Variants in HS6ST3 observed in about 807,000 individuals in gnomAD.
HS6ST3 encodes heparan sulfate 6-O-sulfotransferase 3.
A neutral mutation model predicts 36.7 loss-of-function variants in HS6ST3; 12 were observed. The observed-to-expected ratio is 0.33, with a 90% CI of 0.21 to 0.53. HS6ST3 has a LOEUF of 0.53. Among genes scored for constraint, HS6ST3 ranks in the 20% least tolerant of loss-of-function variants. HS6ST3 has a pLI of 0.95. For synonymous variants in HS6ST3, 240 were observed against 257.5 expected (o/e 0.93, Z 0.65); for missense variants, 584 against 640.9 (o/e 0.91, Z 0.96).
intron 1 of HS6ST3, among the ~76,000 whole-genome samples, chr13:96,580,349 A>C (rs1352998748): frequency 6.6e-6 from 1 of 151,486 alleles, no homozygotes; most frequent in Non-Finnish European, 1.5e-5. Flanking sequence ...TCTGTAATGG[A>C]AGCAGCTAAG....
intron 1 of HS6ST3, among the ~76,000 whole-genome samples, chr13:96,474,990 A>G (rs2138893392): frequency 6.6e-6 from 1 of 152,264 alleles, no homozygotes; most frequent in Non-Finnish European, 1.5e-5. Flanking sequence ...ATGGGGAAGC[A>G]GTTGACAGTA....
chr13:96,506,470 T>C (rs373279585), intron 1 of HS6ST3, among the ~76,000 whole-genome samples: 1 of 152,316 alleles, frequency 6.6e-6, no homozygotes, highest in Non-Finnish European at 1.5e-5. Flanking sequence ...CCATGAAGGC[T>C]GCCTCTGCAA....
chr13:96,158,519 G>A (rs2054120618), intron 1 of HS6ST3, among the ~76,000 whole-genome samples: 1 of 151,918 alleles, frequency 6.6e-6, no homozygotes, highest in Non-Finnish European at 1.5e-5. Flanking sequence ...CGGGCATGGT[G>A]GTACATGCCT....
At chr13:96,438,914 A>G (rs2055656093) in intron 1 of HS6ST3, among the ~76,000 whole-genome samples, 1 of 152,080 alleles carries the variant, frequency 6.6e-6, no homozygotes, top group Admixed American at 6.6e-5. Flanking sequence ...AAAAATACAA[A>G]AAAATTAGTT....
At chr13:96,526,890 G>C (rs969335888) in intron 1 of HS6ST3, among the ~76,000 whole-genome samples, 2 of 152,104 alleles carry the variant, frequency 1.3e-5, no homozygotes, top group Non-Finnish European at 2.9e-5. Context: ...TAAATGTAAA[G>C]TACACACTGA....
intron 1 of HS6ST3, among the ~76,000 whole-genome samples, chr13:96,196,316 C>T (rs1056732106): frequency 3.3e-5 from 5 of 152,086 alleles, no homozygotes; most frequent in Non-Finnish European, 7.4e-5. Context: ...CTCTTGGCCT[C>T]GCCTACTTGG....
intron 1 of HS6ST3, among the ~76,000 whole-genome samples, chr13:96,765,330 C>T (rs1877079886): frequency 6.6e-6 from 1 of 152,028 alleles, no homozygotes; most frequent in African/African-American, 2.4e-5. Flanking sequence ...CCTTGGCCTC[C>T]CAAAGTGCTG....
rs1039017845 is a variant in HS6ST3, at chr13:96,708,907, G to A, written c.708-123583G>A. ...GGTTGGATACCCCTGTCCCTGCCCCGTTCCTAAACGTTGTCTCTTCTTTTC... is the reference window on the plus strand; with the variant it reads ...GGTTGGATACCCCTGTCCCTGCCCCATTCCTAAACGTTGTCTCTTCTTTTC... On this transcript the variant is annotated intron_variant, in intron 1 of 1. Coordinates refer to ENST00000376705, the MANE Select transcript of HS6ST3 (RefSeq NM_153456.4). Among the ~76,000 whole-genome samples the A allele has an allele frequency of 4.6e-5, 7 of 152,118 alleles. No individual in the cohort carries two copies. The East Asian group carries it at 5.8e-4, about 13-fold the overall frequency.
chr13:96,172,955 T>G (rs2054195213), intron 1 of HS6ST3, among the ~76,000 whole-genome samples: 1 of 152,210 alleles, frequency 6.6e-6, no homozygotes, highest in African/African-American at 2.4e-5. Context: ...CATTCAAGCA[T>G]GCATTCAAGA....
chr13:96,550,194 G>A (rs985110982), intron 1 of HS6ST3, among the ~76,000 whole-genome samples: 1 of 152,160 alleles, frequency 6.6e-6, no homozygotes, highest in Non-Finnish European at 1.5e-5. Context: ...TTGGGTTGTG[G>A]AGGTGGATCT....
At chr13:96,518,666 C>A (rs1045826846) in intron 1 of HS6ST3, among the ~76,000 whole-genome samples, 1 of 151,932 alleles carries the variant, frequency 6.6e-6, no homozygotes. Context: ...TTTATAGATT[C>A]AAAGAGTACA....
intron 1 of HS6ST3, among the ~76,000 whole-genome samples, chr13:96,639,979 T>C (rs1256477490): frequency 1.3e-5 from 2 of 152,064 alleles, no homozygotes; most frequent in Admixed American, 1.3e-4. Context: ...TGCATCTAGG[T>C]TGATTCCATG....
chr13:96,216,956 T>A (rs920336375), intron 1 of HS6ST3, among the ~76,000 whole-genome samples: 2 of 152,198 alleles, frequency 1.3e-5, no homozygotes, highest in African/African-American at 4.8e-5. Context: ...CTCCTTCCGA[T>A]TCCTGATTTC....
chr13:96,394,512 A>G (rs907647296), intron 1 of HS6ST3, among the ~76,000 whole-genome samples: 2 of 152,158 alleles, frequency 1.3e-5, no homozygotes, highest in African/African-American at 4.8e-5. Context: ...CTCAGTTTTA[A>G]GTCAGCTTGG....
chr13:96,161,884 A>G (rs904486400), intron 1 of HS6ST3, among the ~76,000 whole-genome samples: 1 of 152,230 alleles, frequency 6.6e-6, no homozygotes, highest in Admixed American at 6.5e-5. Flanking sequence ...GTTATTACAC[A>G]AGGATTTGCT....
At chr13:96,257,518 G>C (rs2054642876) in intron 1 of HS6ST3, among the ~76,000 whole-genome samples, 1 of 151,982 alleles carries the variant, frequency 6.6e-6, no homozygotes, top group African/African-American at 2.4e-5. Flanking sequence ...TATCAATTTT[G>C]GGACCCTTGA....
intron 1 of HS6ST3, among the ~76,000 whole-genome samples, chr13:96,291,400 A>G (rs931074757): frequency 6.6e-6 from 1 of 152,160 alleles, no homozygotes; most frequent in African/African-American, 2.4e-5. Context: ...TGATTTCTCA[A>G]CATGCCTGGT....
chr13:96,274,441 C>G (rs1057432148), intron 1 of HS6ST3, among the ~76,000 whole-genome samples: 1 of 151,976 alleles, frequency 6.6e-6, no homozygotes, highest in African/African-American at 2.4e-5. Flanking sequence ...GAGTGGGGTG[C>G]TAGGAAGACA....
At chr13:96,627,766 T>A (rs1246727604) in intron 1 of HS6ST3, among the ~76,000 whole-genome samples, 1 of 151,942 alleles carries the variant, frequency 6.6e-6, no homozygotes, top group East Asian at 1.9e-4. Flanking sequence ...GAGTTGTGTG[T>A]TCTAAAAATG....
Sources: gnomAD v4.1 joint callset for allele counts (sites outside exome capture counted in the v4.1 genomes callset) on GRCh38, gnomAD v4.1.1 for gene constraint, MANE v1.5 for transcripts, NCBI Gene and HGNC (gene_info 2026-07-23, HGNC 2026-07-21) for gene names.